Variants in RSRC1 observed in about 807,000 individuals in gnomAD.
RSRC1 encodes arginine and serine rich coiled-coil 1, also known as serine/Arginine-related protein 53.
Under a neutral mutation model 49.1 loss-of-function variants are expected in RSRC1, and 39 were observed. That is an observed-to-expected ratio of 0.79 (90% CI 0.61 to 1.04). RSRC1 has a LOEUF of 1.04. Among genes scored for constraint, RSRC1 ranks in the 50% least tolerant of loss-of-function variants. RSRC1 has a pLI of 0.00. For missense variants in RSRC1, 388 were observed against 402.4 expected (o/e 0.96, Z 0.31); for synonymous variants, 143 against 130.8 (o/e 1.09, Z -0.63).
At chr3:158,538,187 A>G (rs1162705900) in intron 8 of RSRC1, among the ~76,000 whole-genome samples, 1 of 151,800 alleles carries the variant, frequency 6.6e-6, no homozygotes, top group East Asian at 1.9e-4. Context: ...TTCTTTTGTT[A>G]TTAGTGAGAT....
chr3:158,156,389 T>C (rs1717880371), intron 3 of RSRC1, among the ~76,000 whole-genome samples: 1 of 152,226 alleles, frequency 6.6e-6, no homozygotes, highest in South Asian at 2.1e-4. Flanking sequence ...ATTTTCTTGC[T>C]GTCAGTAATA....
At chr3:158,367,926 C>T (rs1731865428) in intron 6 of RSRC1, among the ~76,000 whole-genome samples, 1 of 151,740 alleles carries the variant, frequency 6.6e-6, no homozygotes, top group Admixed American at 6.6e-5. Context: ...ATTGGTGTGT[C>T]CTAAAGAGAA....
intron 4 of RSRC1, among the ~76,000 whole-genome samples, chr3:158,283,524 A>G (rs1164533106): frequency 6.6e-6 from 1 of 152,194 alleles, no homozygotes; most frequent in Admixed American, 6.5e-5. Flanking sequence ...AAAACTTACT[A>G]TAGCACAAGA....
intron 3 of RSRC1, among the ~76,000 whole-genome samples, chr3:158,152,580 T>A (rs1196381842): frequency 6.6e-6 from 1 of 152,200 alleles, no homozygotes; most frequent in Non-Finnish European, 1.5e-5. Flanking sequence ...ATCAGTATTC[T>A]CTTGGAATGA....
chr3:158,257,034 T>G (rs527312408), intron 4 of RSRC1, among the ~76,000 whole-genome samples: 1 of 152,094 alleles, frequency 6.6e-6, no homozygotes, highest in Non-Finnish European at 1.5e-5. Flanking sequence ...CCTGGTTTCA[T>G]TGATTTTTTT....
chr3:158,489,632 A>T (rs1738983174), intron 7 of RSRC1, among the ~76,000 whole-genome samples: 1 of 152,114 alleles, frequency 6.6e-6, no homozygotes, highest in African/African-American at 2.4e-5. Context: ...AAATTAATTT[A>T]TCTTCAAATT....
intron 4 of RSRC1, chr3:158,275,976 A>G (rs1725786681): frequency 2.6e-6 from 2 of 770,412 alleles, no homozygotes; most frequent in South Asian, 2.7e-5. Flanking sequence ...TCGGTGATCC[A>G]TGGGTGTCAG....
intron 6 of RSRC1, among the ~76,000 whole-genome samples, chr3:158,356,732 A>G (rs1731183547): frequency 6.6e-6 from 1 of 152,106 alleles, no homozygotes. Flanking sequence ...TCCAGCTCAT[A>G]ATTGAGTAAA....
At chr3:158,430,078 AAATAAAAT>A (rs1240390250) in intron 6 of RSRC1, among the ~76,000 whole-genome samples, 28 of 142,794 alleles carry the variant, frequency 2.0e-4, no homozygotes, top group African/African-American at 7.8e-4. Context: ...CACACAAAAA[AAATAAAAT>A]AAAATAAAAT....
intron 5 of RSRC1, among the ~76,000 whole-genome samples, chr3:158,328,699 C>G (rs1729343519): frequency 6.6e-6 from 1 of 152,120 alleles, no homozygotes; most frequent in Non-Finnish European, 1.5e-5. Flanking sequence ...GTGAATCTGA[C>G]AATTATGCAC....
chr3:158,427,532 C>T (rs989986146), intron 6 of RSRC1, among the ~76,000 whole-genome samples: 1 of 151,646 alleles, frequency 6.6e-6, no homozygotes, highest in South Asian at 2.1e-4. Flanking sequence ...AGATTGATTT[C>T]GCTTGACCAA....
chr3:158,353,528 A>G (rs1730988056), intron 5 of RSRC1, among the ~76,000 whole-genome samples: 1 of 152,172 alleles, frequency 6.6e-6, no homozygotes, highest in African/African-American at 2.4e-5. Context: ...GTCCAGGTCT[A>G]TAGTCTCTTA....
intron 6 of RSRC1, among the ~76,000 whole-genome samples, chr3:158,399,741 C>A (rs1377620036): frequency 6.6e-6 from 1 of 152,080 alleles, no homozygotes. Flanking sequence ...ATACATCTAG[C>A]TCTAGAGACT....
At chr3:158,518,118 G>GCATATATA (rs1341871336) in intron 7 of RSRC1, among the ~76,000 whole-genome samples, 6 of 75,800 alleles carry the variant, frequency 7.9e-5, no homozygotes, top group African/African-American at 4.0e-4. Flanking sequence ...GTGTGTGTGT[G>GCATATATA]TGTGTGTGTA....
At chr3:158,478,497 A>G (rs2108432641) in intron 7 of RSRC1, among the ~76,000 whole-genome samples, 1 of 152,060 alleles carries the variant, frequency 6.6e-6, no homozygotes, top group Admixed American at 6.6e-5. Context: ...CAAAAATGGA[A>G]TTCTGACTAT....
chr3:158,235,973 G>A (rs914948595), intron 4 of RSRC1, among the ~76,000 whole-genome samples: 2 of 151,972 alleles, frequency 1.3e-5, no homozygotes, highest in East Asian at 1.9e-4. Flanking sequence ...AAAATTAGCC[G>A]GGTATGGTGG....
At chr3:158,177,462 G>A (rs7629518) in intron 3 of RSRC1, among the ~76,000 whole-genome samples, 95,949 of 152,078 alleles carry the variant, frequency 0.63, 30,897 homozygotes, top group East Asian at 0.73. Flanking sequence ...CTATGCAGCC[G>A]TAAAAAATGG....
intron 3 of RSRC1, among the ~76,000 whole-genome samples, chr3:158,197,142 T>C (rs1311654253): frequency 6.6e-6 from 1 of 152,216 alleles, no homozygotes; most frequent in Non-Finnish European, 1.5e-5. Flanking sequence ...GGACTGTTTT[T>C]GGTTGGTAAG....
chr3:158,407,587 G>A (rs1734218654), intron 6 of RSRC1, among the ~76,000 whole-genome samples: 3 of 152,072 alleles, frequency 2.0e-5, no homozygotes, highest in Admixed American at 2.0e-4. Context: ...TTTGTAATAT[G>A]TAAACTGTGT....
Sources: gnomAD v4.1 joint callset for allele counts (sites outside exome capture counted in the v4.1 genomes callset) on GRCh38, gnomAD v4.1.1 for gene constraint, MANE v1.5 for transcripts, NCBI Gene and HGNC (gene_info 2026-07-23, HGNC 2026-07-21) for gene names.